Variants in RANBP10 observed in about 807,000 individuals in gnomAD.
The protein encoded by RANBP10 is ran-binding protein 10.
RANBP10 carries 24 observed loss-of-function variants against 72.8 expected under a neutral mutation model. The ratio of observed to expected loss-of-function variants is 0.33; its 90% CI spans 0.24 to 0.46. RANBP10 has a LOEUF of 0.46. RANBP10 is among the 20% of genes least tolerant of loss of function. The probability of loss-of-function intolerance (pLI) is 1.00; values close to 1 mark genes in which losing one functional copy is unlikely to be tolerated. For missense variants in RANBP10, 679 were observed against 817.5 expected (o/e 0.83, Z 2.07); for synonymous variants, 310 against 322.3 (o/e 0.96, Z 0.41).
At chr16:67,771,259 A>C (rs2143012510) in intron 3 of RANBP10, among the ~76,000 whole-genome samples, 1 of 152,258 alleles carries the variant, frequency 6.6e-6, no homozygotes, top group South Asian at 2.1e-4. Flanking sequence ...TGTCTCAAAT[A>C]TATATATAAA....
At chr16:67,731,984 C>T (rs1478107971) in intron 6 of RANBP10, among the ~76,000 whole-genome samples, 1 of 152,218 alleles carries the variant, frequency 6.6e-6, no homozygotes, top group African/African-American at 2.4e-5. Flanking sequence ...GAAACTGCAG[C>T]TAGCCAGGTA....
intron 3 of RANBP10, among the ~76,000 whole-genome samples, chr16:67,757,005 G>A (rs2054297937): frequency 6.6e-6 from 1 of 152,126 alleles, no homozygotes; most frequent in Non-Finnish European, 1.5e-5. Context: ...GGGAGTTCGA[G>A]ACCACCCTGA....
chr16:67,754,331 G>A (rs2054250401), intron 3 of RANBP10, among the ~76,000 whole-genome samples: 1 of 152,130 alleles, frequency 6.6e-6, no homozygotes, highest in African/African-American at 2.4e-5. Context: ...ATTAAACAGT[G>A]GTGTGGACAG....
chr16:67,795,915 AT>A (rs987432243), intron 2 of RANBP10, among the ~76,000 whole-genome samples: 1,856 of 134,198 alleles, frequency 0.014, 9 homozygotes, highest in Middle Eastern at 0.02. Flanking sequence ...AAATATTTTG[AT>A]TTTTTTTTTT....
rs186908635 is a variant in RANBP10, at chr16:67,762,158, G to A, written c.400+9876C>T. Among the ~76,000 whole-genome samples, 218 of 152,198 alleles carry A rather than the reference G, an allele frequency of 1.4e-3. 1 individual carries two copies. The highest frequency in any genetic ancestry group is 4.3e-3 in the Admixed American group (66 of 15,290). ...TGTGTGCCTGTAGTTCCAGCTACTC[G>A]GGAAGCTGAGGCAAGAAAATCACTT... On this transcript the variant is annotated intron_variant, in intron 3 of 13. Transcript: ENST00000317506.
intron 2 of RANBP10, among the ~76,000 whole-genome samples, chr16:67,787,997 C>G (rs1030252088): frequency 1.3e-5 from 2 of 152,146 alleles, no homozygotes; most frequent in Non-Finnish European, 2.9e-5. Context: ...TGCCAACACA[C>G]TCAGCTAATT....
At chr16:67,798,814 CAG>C (rs1286395085) in intron 2 of RANBP10, among the ~76,000 whole-genome samples, 10 of 152,334 alleles carry the variant, frequency 6.6e-5, no homozygotes, top group Non-Finnish European at 1.5e-4. Flanking sequence ...ACCAGACTGG[CAG>C]AGTCTCTTCT....
Position 67,735,416 on chromosome 16 carries a change from T to A in RANBP10, c.592-374A>T, listed in dbSNP as rs2053823629. On this transcript the variant is annotated intron_variant, in intron 5 of 13. Transcript: ENST00000317506. Reference sequence around the variant, plus strand: ...TGCTGCAATAGTGGGTCATGGCTCCTCTTGGAAAGATCCAGGGCCAAGGAT... The same window carrying A: ...TGCTGCAATAGTGGGTCATGGCTCCACTTGGAAAGATCCAGGGCCAAGGAT... Among the ~76,000 whole-genome samples the A allele has an allele frequency of 1.3e-5, 2 of 152,110 alleles. 1 individual carries two copies. The highest frequency in any genetic ancestry group is 4.1e-4 in the South Asian group (2 of 4,824).
At chr16:67,737,951 C>T (rs2053887285) in intron 5 of RANBP10, 62 bp downstream of exon 5, 11 of 1,528,992 alleles carry the variant, frequency 7.2e-6, no homozygotes, top group African/African-American at 2.8e-5. Flanking sequence ...CAGGTACCAC[C>T]GTGCCCCATC....
intron 3 of RANBP10, among the ~76,000 whole-genome samples, chr16:67,770,038 C>T (rs139164203): frequency 1.3e-5 from 2 of 152,210 alleles, no homozygotes; most frequent in African/African-American, 4.8e-5. Context: ...GCACTCCAGC[C>T]TGGGCAGCAG....
intron 11 of RANBP10, 141 bp downstream of exon 11, chr16:67,728,249 C>T (rs1017067088): frequency 8.8e-6 from 8 of 906,500 alleles, no homozygotes; most frequent in Admixed American, 2.5e-5. Context: ...CATTCACAAT[C>T]GGCTAAGGAG....
At chr16:67,727,065 C>T (rs779065592) in intron 13 of RANBP10, among the ~76,000 whole-genome samples, 3 of 152,178 alleles carry the variant, frequency 2.0e-5, no homozygotes, top group Non-Finnish European at 4.4e-5. Flanking sequence ...GAGGCTAAGG[C>T]GGGCAGATCA....
intron 3 of RANBP10, among the ~76,000 whole-genome samples, chr16:67,765,218 A>C (rs1167929516): frequency 2.0e-5 from 3 of 150,802 alleles, no homozygotes; most frequent in Non-Finnish European, 4.4e-5. Flanking sequence ...AAAAAAAAAA[A>C]AAAAAAAAAA....
At chr16:67,734,488 A>G (rs1282106468) in intron 6 of RANBP10, among the ~76,000 whole-genome samples, 2 of 152,250 alleles carry the variant, frequency 1.3e-5, no homozygotes, top group Non-Finnish European at 2.9e-5. Flanking sequence ...CCAGAGTCAC[A>G]GCACCATGGA....
At chr16:67,787,726 G>A (rs2054941267) in intron 2 of RANBP10, among the ~76,000 whole-genome samples, 2 of 152,206 alleles carry the variant, frequency 1.3e-5, no homozygotes, top group African/African-American at 2.4e-5. Flanking sequence ...TCTAGGCTGG[G>A]TATGGTGGCA....
intron 3 of RANBP10, among the ~76,000 whole-genome samples, chr16:67,761,157 C>T (rs2054388969): frequency 6.6e-6 from 1 of 152,222 alleles, no homozygotes; most frequent in South Asian, 2.1e-4. Context: ...GGCCAAAAAA[C>T]ACCTTGCAAA....
chr16:67,791,459 C>T (rs999538086), intron 2 of RANBP10, among the ~76,000 whole-genome samples: 1 of 152,182 alleles, frequency 6.6e-6, no homozygotes, highest in African/African-American at 2.4e-5. Flanking sequence ...TGTCCCTACA[C>T]CCACAGGGCT....
intron 2 of RANBP10, among the ~76,000 whole-genome samples, chr16:67,781,807 C>T (rs757964475): frequency 6.6e-6 from 1 of 152,132 alleles, no homozygotes; most frequent in Non-Finnish European, 1.5e-5. Flanking sequence ...ATAGGCACTG[C>T]TTGGGACAAG....
intron 2 of RANBP10, among the ~76,000 whole-genome samples, chr16:67,772,938 G>A (rs1251241170): frequency 6.6e-6 from 1 of 152,120 alleles, no homozygotes; most frequent in Non-Finnish European, 1.5e-5. Flanking sequence ...CTTTGCACTT[G>A]GGACTTTTTA....
Sources: gnomAD v4.1 joint callset for allele counts (sites outside exome capture counted in the v4.1 genomes callset) on GRCh38, gnomAD v4.1.1 for gene constraint, MANE v1.5 for transcripts, NCBI Gene and HGNC (gene_info 2026-07-23, HGNC 2026-07-21) for gene names.